Variants in NOL4 observed in about 807,000 individuals in gnomAD.
The protein encoded by NOL4 is cancer/testis antigen 125.
In NOL4, 17 loss-of-function variants were observed where a neutral mutation model predicts 75.9. The observed-to-expected ratio is 0.22, with a 90% CI of 0.15 to 0.34. NOL4 has a LOEUF of 0.34. NOL4 is among the 10% of genes least tolerant of loss of function. NOL4 has a pLI of 1.00. For missense variants in NOL4, 614 were observed against 793.5 expected (o/e 0.77, Z 2.72); for synonymous variants, 292 against 289.9 (o/e 1.01, Z -0.07).
intron 4 of NOL4, among the ~76,000 whole-genome samples, chr18:34,100,653 A>G (rs113883763): frequency 6.6e-5 from 10 of 152,218 alleles, no homozygotes; most frequent in African/African-American, 2.4e-4. Context: ...GTTCCTCCCT[A>G]TCTGCCAGAT....
chr18:34,191,823 T>C (rs570338489), intron 1 of NOL4, among the ~76,000 whole-genome samples: 3 of 152,090 alleles, frequency 2.0e-5, no homozygotes, highest in Admixed American at 6.6e-5. Context: ...GAAAGGCCAA[T>C]AGAGGAATAC....
chr18:33,973,676 C>T (rs2071258867), intron 6 of NOL4, among the ~76,000 whole-genome samples: 1 of 152,202 alleles, frequency 6.6e-6, no homozygotes, highest in Admixed American at 6.6e-5. Flanking sequence ...CATCATTAAT[C>T]TTCTTGTGTA....
intron 5 of NOL4, among the ~76,000 whole-genome samples, chr18:34,083,257 A>G (rs976940734): frequency 6.6e-6 from 1 of 152,182 alleles, no homozygotes; most frequent in African/African-American, 2.4e-5. Flanking sequence ...CATGTTGACT[A>G]TAGTTTCTTG....
At chr18:33,973,034 G>A (rs2071204993) in intron 6 of NOL4, among the ~76,000 whole-genome samples, 1 of 152,144 alleles carries the variant, frequency 6.6e-6, no homozygotes, top group Non-Finnish European at 1.5e-5. Context: ...TGTAACATGT[G>A]AGGTTGTTTG....
chr18:34,100,972 T>G (rs1175250573), intron 4 of NOL4, among the ~76,000 whole-genome samples: 1 of 152,144 alleles, frequency 6.6e-6, no homozygotes, highest in East Asian at 1.9e-4. Flanking sequence ...TAATACCAAT[T>G]CTACCCTACT....
Position 33,851,682 on chromosome 18 carries a change from C to G in NOL4, c.*1160G>C, listed in dbSNP as rs2062638829. The stretch of plus-strand genomic sequence containing the variant: ...AAACATCACTCATGTGTATCCCACA[C>G]TATAAAATAAGAAAGAAGGGTAAAG... On this transcript the variant is annotated 3_prime_UTR_variant, in exon 11 of 11. Transcript: ENST00000261592. The G allele has an allele frequency of 6.6e-6, 1 of 152,372 alleles. No homozygotes were observed. The highest frequency in any genetic ancestry group is 1.5e-5 in the Non-Finnish European group (1 of 67,992). 9.4% of individuals were successfully genotyped at this position (152,372 alleles called of 1,614,324 possible).
chr18:34,009,765 T>C (rs867001732), intron 6 of NOL4, among the ~76,000 whole-genome samples: 23 of 152,018 alleles, frequency 1.5e-4, no homozygotes, highest in African/African-American at 5.5e-4. Flanking sequence ...CATGATCGTT[T>C]AACATTATAG....
chr18:34,012,377 A>G (rs1210428955), intron 6 of NOL4, among the ~76,000 whole-genome samples: 1 of 151,948 alleles, frequency 6.6e-6, no homozygotes, highest in Non-Finnish European at 1.5e-5. Flanking sequence ...TAACTTTATT[A>G]TATCTTTCTT....
intron 5 of NOL4, among the ~76,000 whole-genome samples, chr18:34,060,620 C>A (rs1047134567): frequency 1.3e-5 from 2 of 152,122 alleles, no homozygotes; most frequent in African/African-American, 4.8e-5. Flanking sequence ...GTTTTTTATC[C>A]TGTTTTGTTC....
At chr18:34,069,923 T>C (rs2145236292) in intron 5 of NOL4, among the ~76,000 whole-genome samples, 1 of 152,372 alleles carries the variant, frequency 6.6e-6, no homozygotes, top group Admixed American at 6.5e-5. Context: ...GAGAAAGTCC[T>C]ATGCATCCCT....
At position 34,040,326 on chromosome 18, in the gene NOL4, A is replaced by G. The variant is rs543331652; in HGVS notation, c.773-20725T>C. Among the ~76,000 whole-genome samples the G allele has an allele frequency of 2.6e-5, 4 of 152,008 alleles. No individual in the cohort carries two copies. The South Asian group carries it at 8.3e-4, about 31-fold the overall frequency. ...ATTTTTTCATGACTATATACTTCAC[A>G]TGAATATGTAATATTTTATTAATCT... is the stretch of plus-strand genomic sequence containing the variant. On this transcript the variant is annotated intron_variant, in intron 5 of 10. Coordinates refer to ENST00000261592, the MANE Select transcript of NOL4 (RefSeq NM_003787.5).
intron 5 of NOL4, among the ~76,000 whole-genome samples, chr18:34,075,451 T>C (rs2077702503): frequency 6.6e-6 from 1 of 152,146 alleles, no homozygotes. Flanking sequence ...AGAAATTGTG[T>C]TGGGTGCATG....
At chr18:34,202,240 T>C (rs1010333586) in intron 1 of NOL4, among the ~76,000 whole-genome samples, 5 of 151,910 alleles carry the variant, frequency 3.3e-5, no homozygotes, top group African/African-American at 1.2e-4. Flanking sequence ...GATACTAAGA[T>C]GATTAAGGTA....
chr18:34,019,217 ATATTTT>A, intron 6 of NOL4, 95 bp downstream of exon 6: 1 of 975,456 alleles, frequency 1.0e-6, no homozygotes. Flanking sequence ...TTTGTTTATA[ATATTTT>A]TATTAACAAT....
intron 2 of NOL4, among the ~76,000 whole-genome samples, chr18:34,118,842 T>C (rs1014758869): frequency 6.6e-6 from 1 of 152,204 alleles, no homozygotes; most frequent in African/African-American, 2.4e-5. Flanking sequence ...ATTGTACTAC[T>C]GCAGAGGAAA....
chr18:34,195,028 C>CA (rs35925381), intron 1 of NOL4, among the ~76,000 whole-genome samples: 41,728 of 131,666 alleles, frequency 0.32, 6,140 homozygotes, highest in East Asian at 0.46. Context: ...AACTCCGTCT[C>CA]AAAAAAAAAA....
chr18:34,192,190 A>G (rs1416947749), intron 1 of NOL4, among the ~76,000 whole-genome samples: 1 of 152,176 alleles, frequency 6.6e-6, no homozygotes, highest in Non-Finnish European at 1.5e-5. Flanking sequence ...CTGCTTCTTT[A>G]GTAAAACAAA....
chr18:33,996,109 A>T (rs1285884433), intron 6 of NOL4, among the ~76,000 whole-genome samples: 5 of 151,796 alleles, frequency 3.3e-5, no homozygotes, highest in African/African-American at 1.2e-4. Context: ...GAATAAAGAC[A>T]AGGATGCATG....
chr18:34,178,146 A>G (rs1245789040), intron 1 of NOL4, among the ~76,000 whole-genome samples: 3 of 151,796 alleles, frequency 2.0e-5, no homozygotes, highest in Non-Finnish European at 4.4e-5. Context: ...TTTATATACT[A>G]TTGATATTAT....
Sources: gnomAD v4.1 joint callset for allele counts (sites outside exome capture counted in the v4.1 genomes callset) on GRCh38, gnomAD v4.1.1 for gene constraint, MANE v1.5 for transcripts, NCBI Gene and HGNC (gene_info 2026-07-23, HGNC 2026-07-21) for gene names.